AGK: variants seen among roughly 807,000 people sequenced by gnomAD.
AGK encodes acylglycerol kinase.
A neutral mutation model predicts 66.4 loss-of-function variants in AGK; 52 were observed. The observed-to-expected ratio is 0.78, with a 90% CI of 0.63 to 0.99. The LOEUF (loss-of-function observed/expected upper bound fraction) is 0.99, where lower values mean the gene tolerates loss of function less well. Among genes scored for constraint, AGK ranks in the 50% least tolerant of loss-of-function variants. The probability of loss-of-function intolerance (pLI) is 0.00; values close to 1 mark genes in which losing one functional copy is unlikely to be tolerated. For synonymous variants in AGK, 182 were observed against 181.1 expected (o/e 1.00, Z -0.04); for missense variants, 451 against 506.6 (o/e 0.89, Z 1.05).
rs747890672 is a variant in AGK at position 141,562,084 on chromosome 7, T to C, written c.101+6517T>C. The C allele has an allele frequency of 4.3e-4, 194 of 456,242 alleles. 1 individual carries two copies. Among genetic ancestry groups the C allele is most frequent in the Middle Eastern group, 3.5e-4 (1 of 2,842 alleles). 28.3% of individuals were successfully genotyped at this position (456,242 alleles called of 1,614,324 possible). A position where few individuals can be genotyped will look rare whatever the true frequency, so the allele number is the denominator to read the frequency against. On this transcript the variant is annotated intron_variant, in intron 2 of 15. Coordinates refer to ENST00000649286, the MANE Select transcript of AGK (RefSeq NM_018238.4). ...GAGGTGGCAGGGGAATGATGTAGAC[T>C]CTGTGAGGATCCTTGGCTATAGATA...
chr7:141,621,854 A>T (rs984730777), intron 9 of AGK, 53 bp downstream of exon 9: 4 of 1,321,084 alleles, frequency 3.0e-6, no homozygotes, highest in Non-Finnish European at 4.3e-6. Flanking sequence ...ACTCGCTTAC[A>T]TGTTAAAGAA....
chr7:141,614,765 T>C (rs1327730354), intron 7 of AGK, among the ~76,000 whole-genome samples: 1 of 147,192 alleles, frequency 6.8e-6, no homozygotes, highest in African/African-American at 2.4e-5. Flanking sequence ...ACTTTCATTG[T>C]ATCTCTATCG....
chr7:141,565,871 C>G (rs1456739520), intron 2 of AGK, among the ~76,000 whole-genome samples: 1 of 152,186 alleles, frequency 6.6e-6, no homozygotes, highest in South Asian at 2.1e-4. Context: ...TTTGCCTGTT[C>G]CTAATCCATT....
At chr7:141,636,432 A>G (rs1270413608) in intron 10 of AGK, among the ~76,000 whole-genome samples, 1 of 152,238 alleles carries the variant, frequency 6.6e-6, no homozygotes, top group African/African-American at 2.4e-5. Context: ...ACAAAATTCC[A>G]AAAAGCAAAA....
intron 2 of AGK, among the ~76,000 whole-genome samples, chr7:141,580,244 G>A (rs1054553201): frequency 2.0e-5 from 3 of 151,876 alleles, no homozygotes; most frequent in Non-Finnish European, 4.4e-5. Context: ...CAATGAGTTC[G>A]GCTTGCTGAG....
chr7:141,562,500 A>G (rs1795371957), intron 2 of AGK, among the ~76,000 whole-genome samples: 2 of 152,130 alleles, frequency 1.3e-5, no homozygotes, highest in Admixed American at 1.3e-4. Context: ...GGTCTGAGCT[A>G]AGACTCTCCT....
At chr7:141,564,080 C>T (rs1023742069) in intron 2 of AGK, among the ~76,000 whole-genome samples, 1 of 152,222 alleles carries the variant, frequency 6.6e-6, no homozygotes, top group Admixed American at 6.5e-5. Context: ...CCCACTTCAG[C>T]CGCCTGAGAA....
At chr7:141,613,271 G>A (rs1281922767) in intron 6 of AGK, among the ~76,000 whole-genome samples, 1 of 152,136 alleles carries the variant, frequency 6.6e-6, no homozygotes, top group East Asian at 1.9e-4. Context: ...AATATGCACT[G>A]ATTAGAAAAA....
At chr7:141,614,280 G>A in intron 7 of AGK, 102 bp downstream of exon 7, 4 of 819,546 alleles carry the variant, frequency 4.9e-6, no homozygotes, top group South Asian at 2.2e-5. Context: ...TTTTAAAACG[G>A]GTACAAATTG....
intron 11 of AGK, among the ~76,000 whole-genome samples, chr7:141,638,524 A>G (rs1383669018): frequency 6.6e-6 from 1 of 152,162 alleles, no homozygotes; most frequent in East Asian, 1.9e-4. Flanking sequence ...GTTTTTTTCT[A>G]AACAGAAAAA....
chr7:141,615,580 T>A lies in AGK; in HGVS notation c.518+15T>A. 6.3e-7 allele frequency: 1 copy of A among 1,599,294 alleles called. No homozygotes were observed. Among genetic ancestry groups the A allele is most frequent in the African/African-American group, 1.3e-5 (1 of 74,676 alleles). On this transcript the variant is annotated intron_variant, in intron 8 of 15. Coordinates refer to ENST00000649286, the MANE Select transcript of AGK (RefSeq NM_018238.4). ...AACAAAGTCCAGTAGGTTGTCAATGTGGGGAATTAGCATTTGTGGGTGAGC... is the reference window on the plus strand; with the variant it reads ...AACAAAGTCCAGTAGGTTGTCAATGAGGGGAATTAGCATTTGTGGGTGAGC...
chr7:141,628,231 T>C lies in AGK; in HGVS notation c.589-5670T>C, dbSNP rs555542364. On this transcript the variant is annotated intron_variant, in intron 9 of 15. Transcript: ENST00000649286. ...CTCTTTTATGTTTTTCTTTGAAATA[T>C]GCTGATTTTGTGAATTGATGAAACC... Among the ~76,000 whole-genome samples the C allele has an allele frequency of 5.3e-5, 8 of 152,308 alleles. 1 individual carries two copies. In the South Asian group the frequency reaches 1.2e-3, roughly 24 times the overall value.
chr7:141,607,547 C>G (rs1796491359), intron 5 of AGK, among the ~76,000 whole-genome samples: 1 of 152,086 alleles, frequency 6.6e-6, no homozygotes, highest in African/African-American at 2.4e-5. Context: ...AAGCTGTTTG[C>G]TATGCATTTT....
At chr7:141,565,749 T>C (rs1287475354) in intron 2 of AGK, among the ~76,000 whole-genome samples, 1 of 152,226 alleles carries the variant, frequency 6.6e-6, no homozygotes, top group African/African-American at 2.4e-5. Context: ...CTACATCTCT[T>C]AATGTATTGA....
At chr7:141,560,523 G>A (rs1335148910) in intron 2 of AGK, among the ~76,000 whole-genome samples, 1 of 151,620 alleles carries the variant, frequency 6.6e-6, no homozygotes, top group Non-Finnish European at 1.5e-5. Flanking sequence ...ACATAGATAA[G>A]TTCTTTAGTG....
At chr7:141,643,733 T>C (rs76629173) in intron 13 of AGK, among the ~76,000 whole-genome samples, 3 of 152,276 alleles carry the variant, frequency 2.0e-5, no homozygotes, top group Middle Eastern at 3.4e-3. Flanking sequence ...CATAATATTA[T>C]GTAATCCTTA....
intron 10 of AGK, among the ~76,000 whole-genome samples, chr7:141,636,050 G>C (rs750815491): frequency 6.6e-6 from 1 of 152,126 alleles, no homozygotes; most frequent in Non-Finnish European, 1.5e-5. Flanking sequence ...ATTTTATGCC[G>C]TTTTCTAATT....
At chr7:141,650,550 A>C in intron 14 of AGK, 1 of 985,406 alleles carries the variant, frequency 1.0e-6, no homozygotes, top group Non-Finnish European at 1.2e-6. Context: ...AAACTCTGAT[A>C]CCGTTTTGTA....
chr7:141,567,096 T>G (rs1795488026), intron 2 of AGK, among the ~76,000 whole-genome samples: 1 of 152,196 alleles, frequency 6.6e-6, no homozygotes, highest in South Asian at 2.1e-4. Flanking sequence ...TCCTTTTAGG[T>G]ATCTTTAGAT....
Sources: gnomAD v4.1 joint callset for allele counts (sites outside exome capture counted in the v4.1 genomes callset) on GRCh38, gnomAD v4.1.1 for gene constraint, MANE v1.5 for transcripts, NCBI Gene and HGNC (gene_info 2026-07-23, HGNC 2026-07-21) for gene names.